The following DCT variants were observed in gnomAD, a reference collection of about 807,000 sequenced individuals.
The protein encoded by DCT is L-dopachrome tautomerase.
Under a neutral mutation model 53.0 loss-of-function variants are expected in DCT, and 47 were observed. The ratio of observed to expected loss-of-function variants is 0.89; its 90% confidence interval spans 0.70 to 1.13. The LOEUF is 1.13. DCT is among the 50% of genes most tolerant of loss of function. DCT has a pLI of 0.00. For synonymous variants in DCT, 244 were observed against 237.0 expected (o/e 1.03, Z -0.27); for missense variants, 669 against 637.4 (o/e 1.05, Z -0.53).
the DCT span, among the ~76,000 whole-genome samples, chr13:94,533,811 A>G: frequency 1.3e-5 from 2 of 152,096 alleles, no homozygotes; most frequent in African/African-American, 4.8e-5. Context: ...AATCGAGCAA[A>G]TGTCTCTTAC....
In DCT at chr13:94,438,459, C is replaced by A; in HGVS notation, c.*1439G>T. The A allele has an allele frequency of 3.0e-6, 1 of 333,484 alleles. No homozygotes were observed. Among genetic ancestry groups the A allele is most frequent in the South Asian group, 2.4e-5 (1 of 41,288 alleles). The allele number at this position is 333,484 out of a possible 1,614,324, so 20.7% of individuals were successfully genotyped here. On this transcript the variant is annotated 3_prime_UTR_variant, in exon 8 of 8. Coordinates refer to ENST00000377028, the MANE Select transcript of DCT (RefSeq NM_001922.5). ...TCCTTTTGCATGGGGTAAACTGGTTCTTGATGAGTCTTGCACCCTCTAGGA... is the reference window on the plus strand; with the variant it reads ...TCCTTTTGCATGGGGTAAACTGGTTATTGATGAGTCTTGCACCCTCTAGGA...
chr13:94,530,329 C>T, the DCT span, among the ~76,000 whole-genome samples: 1 of 152,126 alleles, frequency 6.6e-6, no homozygotes, highest in Non-Finnish European at 1.5e-5. Flanking sequence ...GGTAGAGACA[C>T]CACAAAATAA....
In DCT at chr13:94,479,316, C is replaced by A; in HGVS notation, c.-61G>T. On this transcript the variant is annotated 5_prime_UTR_variant, in exon 1 of 8. Transcript: ENST00000377028. ...CTTTCCTTGTCTCTGTCGTACTTTTCTCCTTATCTTCTACTCTTTCAGTCT... is the reference window on the plus strand; with the variant it reads ...CTTTCCTTGTCTCTGTCGTACTTTTATCCTTATCTTCTACTCTTTCAGTCT... 1 of 1,369,734 alleles carries A rather than the reference C, an allele frequency of 7.3e-7. No individual in the cohort carries two copies. The allele number at this position is 1,369,734 out of a possible 1,614,324, so 84.8% of individuals were successfully genotyped here.
At chr13:94,478,122 A>T (rs1243464412) in intron 1 of DCT, among the ~76,000 whole-genome samples, 1 of 151,710 alleles carries the variant, frequency 6.6e-6, no homozygotes, top group Non-Finnish European at 1.5e-5. Flanking sequence ...AAGAGTGACA[A>T]AAAGCCATTG....
chr13:94,537,028 T>C, the DCT span, among the ~76,000 whole-genome samples: 1 of 152,188 alleles, frequency 6.6e-6, no homozygotes, highest in Non-Finnish European at 1.5e-5. Flanking sequence ...TGCAGAACCA[T>C]GAACCAAATA....
At position 94,479,341 on chromosome 13, in the gene DCT, T is replaced by C; in HGVS notation, c.-86A>G. 10 of 1,201,238 alleles carry C rather than the reference T, an allele frequency of 8.3e-6. No homozygotes were observed. Among genetic ancestry groups the C allele is most frequent in the Non-Finnish European group, 1.1e-5 (10 of 874,190 alleles). 74.4% of individuals were successfully genotyped at this position (1,201,238 alleles called of 1,614,324 possible). Reference sequence around the variant, plus strand: ...CTCCTTATCTTCTACTCTTTCAGTCTTTTCTTTTCAGTATTTTTTATTTTT... The same window carrying C: ...CTCCTTATCTTCTACTCTTTCAGTCCTTTCTTTTCAGTATTTTTTATTTTT... On this transcript the variant is annotated 5_prime_UTR_variant, in exon 1 of 8. Transcript: ENST00000377028.
the DCT span, among the ~76,000 whole-genome samples, chr13:94,521,855 C>T: frequency 2.6e-5 from 4 of 152,114 alleles, no homozygotes; most frequent in African/African-American, 4.8e-5. Flanking sequence ...AATTTTAGAA[C>T]ATTTGCATTA....
chr13:94,540,276 G>C, the DCT span, among the ~76,000 whole-genome samples: 5 of 152,340 alleles, frequency 3.3e-5, no homozygotes, highest in Non-Finnish European at 5.9e-5. Context: ...TGGGCACTAA[G>C]AGTTGCAGAA....
At chr13:94,535,001 C>A in the DCT span, among the ~76,000 whole-genome samples, 1 of 152,172 alleles carries the variant, frequency 6.6e-6, no homozygotes, top group Non-Finnish European at 1.5e-5. Flanking sequence ...CTTCAGCCTC[C>A]CAAATATCTG....
Position 94,466,670 on chromosome 13 carries a change from G to C in DCT, c.596-12C>G. 6.4e-7 allele frequency: 1 copy of C among 1,553,238 alleles called. No homozygotes were observed. The highest frequency in any genetic ancestry group is 8.8e-7 in the Non-Finnish European group (1 of 1,137,896). On this transcript the variant is annotated splice_polypyrimidine_tract_variant and intron_variant, in intron 2 of 7. Coordinates refer to ENST00000377028, the MANE Select transcript of DCT (RefSeq NM_001922.5). The stretch of plus-strand genomic sequence containing the variant: ...GGGGCGTCCTGGTCCTGAAACAATT[G>C]GGAAACATATTAGAGATGACAGAAT...
At chr13:94,533,422 A>G in the DCT span, among the ~76,000 whole-genome samples, 5 of 152,154 alleles carry the variant, frequency 3.3e-5, no homozygotes, top group African/African-American at 1.2e-4. Flanking sequence ...AAAACACCAC[A>G]GGAAAAGTAA....
At chr13:94,471,627 A>C (rs962004706) in intron 1 of DCT, among the ~76,000 whole-genome samples, 1 of 152,224 alleles carries the variant, frequency 6.6e-6, no homozygotes, top group Non-Finnish European at 1.5e-5. Flanking sequence ...TATTAAAAAC[A>C]GATTTGATTA....
chr13:94,520,001 G>T, the DCT span, among the ~76,000 whole-genome samples: 1 of 152,122 alleles, frequency 6.6e-6, no homozygotes, highest in Non-Finnish European at 1.5e-5. Context: ...TCTCTCTGAG[G>T]TCAAGAAGGG....
chr13:94,489,653 G>A, the DCT span, among the ~76,000 whole-genome samples: 1 of 151,900 alleles, frequency 6.6e-6, no homozygotes, highest in East Asian at 1.9e-4. Context: ...ATAATCAGTA[G>A]CCCATATGAC....
chr13:94,528,879 C>A, the DCT span, among the ~76,000 whole-genome samples: 2 of 152,180 alleles, frequency 1.3e-5, no homozygotes, highest in Middle Eastern at 6.3e-3. Context: ...CATCGGTGTG[C>A]TGTATTCAGG....
intron 6 of DCT, among the ~76,000 whole-genome samples, chr13:94,455,381 T>TAGAGAGAGAGAGAGAGAGAGAGAGAG (rs56301019): frequency 4.7e-4 from 67 of 141,744 alleles, no homozygotes; most frequent in African/African-American, 1.6e-3. Flanking sequence ...GACTGTCTCT[T>TAGAGAGAGAGAGAGAGAGAGAGAGAG]AGAGAGAGAG....
chr13:94,479,095 G>C lies in DCT; in HGVS notation c.161C>G (p.Ser54Cys). The C allele has an allele frequency of 1.2e-6, 2 of 1,614,210 alleles. No homozygotes were observed. Among genetic ancestry groups the C allele is most frequent in the Non-Finnish European group, 8.5e-7 (1 of 1,180,048 alleles). Residue 54 changes from serine (S) to cysteine (C), a missense_variant, in exon 1 of 8, where the codon TCT becomes TGT. Ser to Cys is a moderately radical substitution (Grantham distance 112). Transcript: ENST00000377028. ...LGAESANVCG[S>C]QQGRGQCTEV... is the part of the protein sequence containing the mutation. ...TGTGCACTGCCCCCGGCCTTGCTGAGAGCCACAGACATTGGCCGACTCTGC... is the reference window on the plus strand; with the variant it reads ...TGTGCACTGCCCCCGGCCTTGCTGACAGCCACAGACATTGGCCGACTCTGC...
Position 94,440,150 on chromosome 13 carries a change from C to T in DCT, c.1382-74G>A, listed in dbSNP as rs903241872. The T allele has an allele frequency of 2.7e-5, 35 of 1,290,876 alleles. 1 individual carries two copies. The highest frequency in any genetic ancestry group is 3.5e-5 in the Non-Finnish European group (32 of 925,008). 80.0% of individuals were successfully genotyped at this position (1,290,876 alleles called of 1,614,324 possible). A position where few individuals can be genotyped will look rare whatever the true frequency, so the allele number is the denominator to read the frequency against. On this transcript the variant is annotated intron_variant, in intron 7 of 7. Transcript: ENST00000377028. ...ACTTTCAGAAGAGAAAAAGAGCAAGCGCACTTGCCTTTCACGTGCTTTTTG... is the reference window on the plus strand; with the variant it reads ...ACTTTCAGAAGAGAAAAAGAGCAAGTGCACTTGCCTTTCACGTGCTTTTTG...
chr13:94,524,598 G>A, the DCT span, among the ~76,000 whole-genome samples: 1 of 152,216 alleles, frequency 6.6e-6, no homozygotes, highest in Non-Finnish European at 1.5e-5. Context: ...CATGAAAAGA[G>A]AGATTTTTAT....
Sources: gnomAD v4.1 joint callset for allele counts (sites outside exome capture counted in the v4.1 genomes callset) on GRCh38, gnomAD v4.1.1 for gene constraint, MANE v1.5 for transcripts, NCBI Gene and HGNC (gene_info 2026-07-23, HGNC 2026-07-21) for gene names.